Variants in NKAIN3 observed in about 807,000 individuals in gnomAD.
NKAIN3 encodes the protein sodium/potassium transporting ATPase interacting 3, also known as sodium/potassium-transporting ATPase subunit beta-1-interacting protein 3.
A neutral mutation model predicts 30.2 loss-of-function variants in NKAIN3; 25 were observed. That is an observed-to-expected ratio of 0.83 (90% CI 0.60 to 1.16). The LOEUF is 1.16. Ranked by LOEUF, NKAIN3 falls within the 50% of genes most tolerant of loss-of-function variation. NKAIN3 has a pLI of 0.00. For synonymous variants in NKAIN3, 91 were observed against 89.6 expected (o/e 1.02, Z -0.09); for missense variants, 225 against 254.1 (o/e 0.89, Z 0.78).
intron 3 of NKAIN3, among the ~76,000 whole-genome samples, chr8:62,668,357 TA>T (rs1316276683): frequency 6.6e-6 from 1 of 152,242 alleles, no homozygotes; most frequent in African/African-American, 2.4e-5. Flanking sequence ...TTAAAGGCTT[TA>T]AAACCTTTTG....
chr8:62,726,249 G>C (rs1815254809), intron 3 of NKAIN3, among the ~76,000 whole-genome samples: 1 of 152,016 alleles, frequency 6.6e-6, no homozygotes, highest in African/African-American at 2.4e-5. Context: ...TCTAACATAA[G>C]ATTATATCAA....
intron 1 of NKAIN3, among the ~76,000 whole-genome samples, chr8:62,287,009 G>A (rs1400356996): frequency 2.0e-5 from 3 of 151,312 alleles, no homozygotes; most frequent in Non-Finnish European, 4.4e-5. Flanking sequence ...TTCAACTGGG[G>A]CATGGAAATC....
chr8:62,472,657 C>T (rs1389662453), intron 1 of NKAIN3, among the ~76,000 whole-genome samples: 1 of 152,150 alleles, frequency 6.6e-6, no homozygotes, highest in Non-Finnish European at 1.5e-5. Flanking sequence ...CCACTCCCCA[C>T]ATCTGTCAGT....
At chr8:62,490,834 G>A (rs747514102) in intron 1 of NKAIN3, among the ~76,000 whole-genome samples, 2 of 152,066 alleles carry the variant, frequency 1.3e-5, no homozygotes, top group Non-Finnish European at 2.9e-5. Context: ...GCCTGAAGTT[G>A]GACAGGTTAT....
chr8:62,728,316 A>G (rs1376005230), intron 3 of NKAIN3, among the ~76,000 whole-genome samples: 3 of 152,160 alleles, frequency 2.0e-5, no homozygotes, highest in Non-Finnish European at 4.4e-5. Context: ...TAATAATAAA[A>G]AATAATAATC....
chr8:62,266,075 T>C (rs1033103423), intron 1 of NKAIN3, among the ~76,000 whole-genome samples: 1 of 152,208 alleles, frequency 6.6e-6, no homozygotes, highest in Non-Finnish European at 1.5e-5. Flanking sequence ...CACTCTTCTC[T>C]GTCCTATGTT....
intron 4 of NKAIN3, among the ~76,000 whole-genome samples, chr8:62,903,270 C>G (rs1821665680): frequency 6.6e-6 from 1 of 152,168 alleles, no homozygotes; most frequent in South Asian, 2.1e-4. Flanking sequence ...CACATAATTT[C>G]AGGCTTCACT....
chr8:62,748,757 A>G (rs1425166360), intron 4 of NKAIN3, among the ~76,000 whole-genome samples: 1 of 152,224 alleles, frequency 6.6e-6, no homozygotes, highest in Admixed American at 6.5e-5. Flanking sequence ...ACTCAAAGAA[A>G]GGGATTGCAC....
chr8:62,555,011 TACACACACACACACAC>T (rs59610407), intron 1 of NKAIN3, among the ~76,000 whole-genome samples: 2,740 of 145,020 alleles, frequency 0.019, 33 homozygotes, highest in African/African-American at 0.019. Flanking sequence ...GCAGAATCTA[TACACACACACACACAC>T]ACACACACAC....
chr8:62,521,115 T>A (rs1808142067), intron 1 of NKAIN3, among the ~76,000 whole-genome samples: 1 of 151,878 alleles, frequency 6.6e-6, no homozygotes, highest in Non-Finnish European at 1.5e-5. Flanking sequence ...ACTGTGTCCC[T>A]GGAGCACATT....
chr8:62,467,765 TATTTA>T, intron 1 of NKAIN3, among the ~76,000 whole-genome samples: 1 of 152,186 alleles, frequency 6.6e-6, no homozygotes, highest in African/African-American at 2.4e-5. Context: ...GTTTTTATTT[TATTTA>T]TTTATTTATT....
intron 4 of NKAIN3, chr8:62,863,191 T>C (rs1820307341): frequency 6.5e-7 from 1 of 1,541,194 alleles, no homozygotes; most frequent in African/African-American, 1.4e-5. Context: ...TTCTATCTCC[T>C]GCAGGCGTTT....
downstream of NKAIN3, among the ~76,000 whole-genome samples, chr8:62,988,905 C>T (rs541979452): frequency 5.9e-5 from 9 of 152,292 alleles, no homozygotes; most frequent in South Asian, 6.2e-4. Context: ...CTCCTGAATG[C>T]GTCACCGCTT....
At chr8:62,663,387 G>C (rs573895885) in intron 3 of NKAIN3, among the ~76,000 whole-genome samples, 34 of 152,274 alleles carry the variant, frequency 2.2e-4, no homozygotes, top group African/African-American at 8.2e-4. Flanking sequence ...GAGATACAGA[G>C]GTAGGTGTCG....
chr8:62,760,046 CA>C (rs60190925), intron 4 of NKAIN3, among the ~76,000 whole-genome samples: 29,517 of 152,038 alleles, frequency 0.19, 3,264 homozygotes, highest in African/African-American at 0.29. Flanking sequence ...CACTGGCCAT[CA>C]GAGAAATGCA....
chr8:62,890,375 A>G (rs951065127), intron 4 of NKAIN3, among the ~76,000 whole-genome samples: 2 of 152,340 alleles, frequency 1.3e-5, no homozygotes, highest in Non-Finnish European at 2.9e-5. Flanking sequence ...CAATGAAAGG[A>G]TATGTCATAC....
At chr8:62,904,535 T>C (rs933240762) in intron 4 of NKAIN3, among the ~76,000 whole-genome samples, 11 of 152,200 alleles carry the variant, frequency 7.2e-5, no homozygotes, top group Non-Finnish European at 1.6e-4. Context: ...GGAGAACTTA[T>C]TGAATCATGG....
intron 3 of NKAIN3, among the ~76,000 whole-genome samples, chr8:62,722,785 C>G (rs1815132877): frequency 6.6e-6 from 1 of 152,124 alleles, no homozygotes; most frequent in South Asian, 2.1e-4. Context: ...ACACTCATGA[C>G]TCTAATGGAG....
chr8:62,724,074 C>G lies in NKAIN3; in HGVS notation c.274-22858C>G, dbSNP rs145594303. ...ACTGGAAGCTTTTATTTGGTCCCTT[C>G]CAACAGAACCAAATGACACGGACAA... On this transcript the variant is annotated intron_variant, in intron 3 of 6. Coordinates refer to ENST00000623646, the MANE Select transcript of NKAIN3 (RefSeq NM_001304533.3). Among the ~76,000 whole-genome samples the G allele has an allele frequency of 6.2e-4, 94 of 152,064 alleles. 1 individual carries two copies. Among genetic ancestry groups the G allele is most frequent in the African/African-American group, 2.0e-3 (82 of 41,526 alleles).
Sources: gnomAD v4.1 joint callset for allele counts (sites outside exome capture counted in the v4.1 genomes callset) on GRCh38, gnomAD v4.1.1 for gene constraint, MANE v1.5 for transcripts, NCBI Gene and HGNC (gene_info 2026-07-23, HGNC 2026-07-21) for gene names.